MAML2: variants seen among roughly 807,000 people sequenced by gnomAD.
MAML2 encodes mastermind like transcriptional coactivator 2, also known as mastermind-like protein 2.
Under a neutral mutation model 96.1 loss-of-function variants are expected in MAML2, and 22 were observed. That is an observed-to-expected ratio of 0.23 (90% CI 0.16 to 0.33). MAML2 has a LOEUF of 0.33. Ranked by LOEUF, MAML2 falls within the 10% of genes least tolerant of loss-of-function variation. MAML2 has a pLI of 1.00. For missense variants in MAML2, 1,367 were observed against 1,392.4 expected, an observed-to-expected ratio of 0.98 and a Z score of 0.29; for synonymous variants, 561 against 521.3, an observed-to-expected ratio of 1.08 and a Z score of -1.04.
At position 96,053,820 on chromosome 11, in the gene MAML2, C is replaced by A. The variant is rs190586993; in HGVS notation, c.2139+38072G>T. ...TTAACATACCAATAAGTCATGTGGG[C>A]AAACAGTTAACATGTTTGGGAACAT... On this transcript the variant is annotated intron_variant, in intron 2 of 4. Coordinates refer to ENST00000524717, the MANE Select transcript of MAML2 (RefSeq NM_032427.4). Among the ~76,000 whole-genome samples the A allele has an allele frequency of 1.3e-3, 192 of 152,278 alleles. 2 individuals carry two copies. The highest frequency in any genetic ancestry group is 4.1e-3 in the African/African-American group (172 of 41,554).
At chr11:96,331,817 CAA>C (rs200355506) in intron 1 of MAML2, among the ~76,000 whole-genome samples, 21 of 74,640 alleles carry the variant, frequency 2.8e-4, no homozygotes, top group Admixed American at 8.8e-4. Context: ...GACTCCATCT[CAA>C]AAAAAAAAAA....
chr11:96,196,535 A>G (rs1236904951), intron 1 of MAML2, among the ~76,000 whole-genome samples: 1 of 152,230 alleles, frequency 6.6e-6, no homozygotes, highest in African/African-American at 2.4e-5. Flanking sequence ...TGCAAATGCA[A>G]AGCTGTGTGT....
At chr11:96,045,601 AGAAAGT>A (rs1159568438) in intron 2 of MAML2, among the ~76,000 whole-genome samples, 1 of 152,246 alleles carries the variant, frequency 6.6e-6, no homozygotes, top group African/African-American at 2.4e-5. Context: ...TGGTGTGTAT[AGAAAGT>A]AACGTTTGGG....
chr11:96,082,805 C>G (rs1478397411), intron 2 of MAML2, among the ~76,000 whole-genome samples: 1 of 152,138 alleles, frequency 6.6e-6, no homozygotes, highest in Non-Finnish European at 1.5e-5. Context: ...ACGAAGGCAG[C>G]AGCAGTGGAG....
chr11:96,118,658 A>G (rs1048494156), intron 1 of MAML2, among the ~76,000 whole-genome samples: 1 of 152,200 alleles, frequency 6.6e-6, no homozygotes, highest in Non-Finnish European at 1.5e-5. Flanking sequence ...AGAAAACAAT[A>G]TGGAGAGATG....
At chr11:96,296,808 G>A (rs1863307224) in intron 1 of MAML2, among the ~76,000 whole-genome samples, 1 of 152,088 alleles carries the variant, frequency 6.6e-6, no homozygotes, top group Non-Finnish European at 1.5e-5. Flanking sequence ...TTGGGTTGGG[G>A]GCCAAGAAAG....
At chr11:96,003,989 A>G (rs1172178997) in intron 2 of MAML2, among the ~76,000 whole-genome samples, 1 of 152,190 alleles carries the variant, frequency 6.6e-6, no homozygotes, top group Non-Finnish European at 1.5e-5. Flanking sequence ...CAAGATTAGG[A>G]AATTGTGTTT....
chr11:96,049,690 G>C (rs1159469840), intron 2 of MAML2, among the ~76,000 whole-genome samples: 1 of 152,168 alleles, frequency 6.6e-6, no homozygotes, highest in Non-Finnish European at 1.5e-5. Context: ...TGTAAGTAAA[G>C]CATTTTGCAC....
At chr11:96,129,151 A>G (rs1217302608) in intron 1 of MAML2, among the ~76,000 whole-genome samples, 1 of 152,194 alleles carries the variant, frequency 6.6e-6, no homozygotes, top group Non-Finnish European at 1.5e-5. Flanking sequence ...GTTATGTTCA[A>G]CTTAGAGATT....
intron 2 of MAML2, among the ~76,000 whole-genome samples, chr11:96,038,342 G>C (rs75245204): frequency 1.3e-5 from 2 of 152,164 alleles, no homozygotes; most frequent in Non-Finnish European, 2.9e-5. Context: ...GAACCATTTT[G>C]GTGTATGTGG....
Position 95,977,943 on chromosome 11 carries a change from A to T in MAML2, c.*1005T>A, listed in dbSNP as rs1485227802. Reference sequence around the variant, plus strand: ...CCTGGTTCTTATCTCCAACCAAAACATGATATTTTCTAATCTCGGTTTTCT... The same window carrying T: ...CCTGGTTCTTATCTCCAACCAAAACTTGATATTTTCTAATCTCGGTTTTCT... On this transcript the variant is annotated 3_prime_UTR_variant, in exon 5 of 5. Transcript: ENST00000524717. The T allele has an allele frequency of 4.5e-6, 1 of 222,678 alleles. No individual in the cohort carries two copies. Among genetic ancestry groups the T allele is most frequent in the Admixed American group, 5.7e-5 (1 of 17,440 alleles). The allele number at this position is 222,678 out of a possible 1,614,324, so 13.8% of individuals were successfully genotyped here.
At chr11:96,327,075 C>T (rs960714660) in intron 1 of MAML2, among the ~76,000 whole-genome samples, 5 of 152,110 alleles carry the variant, frequency 3.3e-5, no homozygotes, top group Admixed American at 2.6e-4. Flanking sequence ...GGAGATTTCG[C>T]GAGAGAAGGA....
intron 1 of MAML2, among the ~76,000 whole-genome samples, chr11:96,315,597 A>T (rs576613316): frequency 6.1e-4 from 93 of 152,270 alleles, no homozygotes; most frequent in Non-Finnish European, 1.1e-3. Context: ...TCTGGATTCA[A>T]AGGGTTCTAA....
chr11:96,328,501 C>T (rs1484867793), intron 1 of MAML2, among the ~76,000 whole-genome samples: 2 of 151,878 alleles, frequency 1.3e-5, no homozygotes, highest in Non-Finnish European at 2.9e-5. Context: ...AAAAAATGCT[C>T]GGGCTGGCCC....
intron 1 of MAML2, among the ~76,000 whole-genome samples, chr11:96,238,660 G>T (rs1248530551): frequency 6.6e-6 from 1 of 152,188 alleles, no homozygotes; most frequent in Admixed American, 6.5e-5. Flanking sequence ...GTAGAAGTGG[G>T]TTTACTAAGG....
rs138994437 is a variant in MAML2 at position 96,069,238 on chromosome 11, C to A, written c.2139+22654G>T. Among the ~76,000 whole-genome samples, 562 of 152,184 alleles carry A rather than the reference C, an allele frequency of 3.7e-3. 2 individuals are homozygous for A. The highest frequency in any genetic ancestry group is 0.013 in the African/African-American group (548 of 41,532). The stretch of plus-strand genomic sequence containing the variant: ...CCACTGAGTCTGGCCTATTTTCTTC[C>A]TTTCCCTCCCTCCCTCCCTTCCTCC... On this transcript the variant is annotated intron_variant, in intron 2 of 4. Transcript: ENST00000524717.
chr11:96,252,135 A>T (rs1862590140), intron 1 of MAML2, among the ~76,000 whole-genome samples: 1 of 151,998 alleles, frequency 6.6e-6, no homozygotes, highest in South Asian at 2.1e-4. Context: ...ATAAAATTAC[A>T]CTCGTTATGC....
chr11:96,336,020 A>G (rs1863915978), intron 1 of MAML2, among the ~76,000 whole-genome samples: 1 of 152,168 alleles, frequency 6.6e-6, no homozygotes, highest in South Asian at 2.1e-4. Context: ...TGTTTTGAGC[A>G]CCTACTATGT....
intron 2 of MAML2, among the ~76,000 whole-genome samples, chr11:96,019,007 T>C (rs1858397365): frequency 6.6e-6 from 1 of 152,054 alleles, no homozygotes; most frequent in African/African-American, 2.4e-5. Context: ...TGAGACAAAA[T>C]GAGAAGAGAA....
Sources: allele counts gnomAD v4.1 joint callset (sites outside exome capture counted in the v4.1 genomes callset), GRCh38; gene constraint gnomAD v4.1.1; transcripts MANE v1.5; gene names NCBI Gene and HGNC (gene_info 2026-07-23, HGNC 2026-07-21).